The following TRPC5 variants were observed in gnomAD, a reference collection of about 807,000 sequenced individuals.
TRPC5 encodes transient receptor potential cation channel subfamily C member 5.
TRPC5 carries 9 observed loss-of-function variants against 56.5 expected under a neutral mutation model. The ratio of observed to expected loss-of-function variants is 0.16; its 90% CI spans 0.10 to 0.28. The LOEUF (loss-of-function observed/expected upper bound fraction) is 0.28, where lower values mean the gene tolerates loss of function less well. Ranked by LOEUF, TRPC5 falls within the 10% of genes least tolerant of loss-of-function variation. TRPC5 has a pLI of 1.00. For missense variants in TRPC5, 469 were observed against 748.9 expected, an observed-to-expected ratio of 0.63 and a Z score of 4.36; for synonymous variants, 282 against 278.5, an observed-to-expected ratio of 1.01 and a Z score of -0.13.
intron 7 of TRPC5, among the ~76,000 whole-genome samples, chrX:111,825,203 CTT>C (rs1337279117): frequency 4.3e-5 from 3 of 69,964 alleles, no homozygotes. Context: ...TTCTTTCTTT[CTT>C]TCTTTCTTTC....
At chrX:111,843,882 G>GTGTGTGTA (rs1222238675) in intron 6 of TRPC5, among the ~76,000 whole-genome samples, 1 of 100,091 alleles carries the variant, frequency 1.0e-5, no homozygotes, top group African/African-American at 4.0e-5. Context: ...GAGTGTGTGT[G>GTGTGTGTA]TGTGTGTGTG....
chrX:112,042,764 A>G (rs1328162445), intron 1 of TRPC5, among the ~76,000 whole-genome samples: 1 of 109,858 alleles, frequency 9.1e-6, no homozygotes, highest in African/African-American at 3.3e-5. Context: ...AACTGATCAT[A>G]TTTTTCAAAC....
intron 2 of TRPC5, among the ~76,000 whole-genome samples, chrX:111,937,216 T>G (rs1446584725): frequency 1.9e-5 from 2 of 106,391 alleles, no homozygotes; most frequent in African/African-American, 7.2e-5. Context: ...GTAAATTTGT[T>G]GGAGTTCATT....
rs145961855 is a variant in TRPC5, at chrX:111,872,429, A to G, written c.901-18323T>C. 2.5e-3 allele frequency among the ~76,000 whole-genome samples: 285 copies of G among 112,123 alleles called. 1 individual carries two copies. The highest frequency in any genetic ancestry group is 8.5e-3 in the African/African-American group (261 of 30,847). ...TTGCAGTCAGTATGGTCCTCATTGT[A>G]TAGTCAGATCCTACAAATAAGTCTA... On this transcript the variant is annotated intron_variant, in intron 3 of 10. Coordinates refer to ENST00000262839, the MANE Select transcript of TRPC5 (RefSeq NM_012471.3).
intron 10 of TRPC5, among the ~76,000 whole-genome samples, chrX:111,778,702 A>G (rs1945897719): frequency 8.9e-6 from 1 of 111,988 alleles, no homozygotes; most frequent in Admixed American, 9.5e-5. Flanking sequence ...CATCCTTGCC[A>G]CATCATTTAA....
chrX:111,781,052 C>T (rs369958579), intron 9 of TRPC5, 113 bp downstream of exon 9: 2 of 751,185 alleles, frequency 2.7e-6, no homozygotes, highest in East Asian at 3.2e-5. Context: ...CTTTCCAAGC[C>T]TCCTATCCCA....
intron 3 of TRPC5, among the ~76,000 whole-genome samples, chrX:111,857,117 T>C (rs928294170): frequency 1.8e-5 from 2 of 111,913 alleles, no homozygotes; most frequent in East Asian, 5.6e-4. Flanking sequence ...CTTAGCTACA[T>C]ATATTATTAT....
intron 1 of TRPC5, among the ~76,000 whole-genome samples, chrX:111,978,777 A>G (rs1927998992): frequency 9.0e-6 from 1 of 111,337 alleles, no homozygotes; most frequent in African/African-American, 3.3e-5. Flanking sequence ...TAACTATGTA[A>G]AGGTTACCAT....
chrX:111,816,330 G>T (rs1201359800), intron 7 of TRPC5, among the ~76,000 whole-genome samples: 1 of 111,948 alleles, frequency 8.9e-6, no homozygotes. Flanking sequence ...CGAGCATTTA[G>T]TATATAGAAC....
At chrX:111,869,600 A>T (rs1329915205) in intron 3 of TRPC5, among the ~76,000 whole-genome samples, 1 of 112,511 alleles carries the variant, frequency 8.9e-6, no homozygotes, top group African/African-American at 3.2e-5. Flanking sequence ...ATATTTTTTT[A>T]AAGTATAATT....
intron 1 of TRPC5, among the ~76,000 whole-genome samples, chrX:112,028,353 G>A (rs1335144897): frequency 9.0e-6 from 1 of 110,713 alleles, no homozygotes; most frequent in Non-Finnish European, 1.9e-5. Flanking sequence ...GTATACATGT[G>A]CCATGTTGGT....
chrX:112,069,037 A>C (rs370786710), intron 1 of TRPC5, among the ~76,000 whole-genome samples: 1 of 111,418 alleles, frequency 9.0e-6, no homozygotes, highest in East Asian at 2.8e-4. Context: ...TACATGCTTC[A>C]AGTTCTTTAT....
In TRPC5 at chrX:111,775,633, T is replaced by A. The variant is rs1224748928; in HGVS notation, c.*680A>T. The A allele has an allele frequency of 8.9e-6, 1 of 111,918 alleles. No homozygotes were observed. The highest frequency in any genetic ancestry group is 1.9e-5 in the Non-Finnish European group (1 of 53,173). 9.2% of individuals were successfully genotyped at this position (111,918 alleles called of 1,213,427 possible). A position where few individuals can be genotyped will look rare whatever the true frequency, so the allele number is the denominator to read the frequency against. ...ATTAGATATGACATATACTATGGGG[T>A]AAATATTTCATTGGCACACATTAGG... On this transcript the variant is annotated 3_prime_UTR_variant, in exon 11 of 11. Transcript: ENST00000262839.
chrX:111,915,269 G>A lies in TRPC5; in HGVS notation c.379-2457C>T, dbSNP rs1925942019. Among the ~76,000 whole-genome samples the A allele has an allele frequency of 2.7e-5, 3 of 111,801 alleles. No homozygotes were observed. In the Admixed American group the frequency reaches 2.8e-4, roughly 11 times the overall value. ...TATGAAATGCTTTCTGAAACTACTC[G>A]ATTATATTGTCTAACAAGGAACTTT... is the stretch of plus-strand genomic sequence containing the variant. On this transcript the variant is annotated intron_variant, in intron 2 of 10. Transcript: ENST00000262839.
At chrX:112,047,637 A>C (rs1380403574) in intron 1 of TRPC5, among the ~76,000 whole-genome samples, 4 of 112,336 alleles carry the variant, frequency 3.6e-5, no homozygotes, top group African/African-American at 1.3e-4. Flanking sequence ...GCTAATTAAA[A>C]AATAATGAGA....
chrX:111,964,717 C>A (rs960661035), intron 1 of TRPC5, among the ~76,000 whole-genome samples: 1 of 111,383 alleles, frequency 9.0e-6, no homozygotes, highest in Non-Finnish European at 1.9e-5. Flanking sequence ...TCATATCCAG[C>A]CAAACTAAGC....
chrX:111,812,411 T>C (rs1397422805), intron 7 of TRPC5, among the ~76,000 whole-genome samples: 1 of 111,900 alleles, frequency 8.9e-6, no homozygotes, highest in African/African-American at 3.3e-5. Context: ...ATTCCTCTGG[T>C]GCTCACGTGA....
intron 1 of TRPC5, among the ~76,000 whole-genome samples, chrX:111,998,215 G>A (rs1251269397): frequency 4.5e-5 from 5 of 111,841 alleles, no homozygotes; most frequent in Non-Finnish European, 7.5e-5. Context: ...GCTGGGAGCT[G>A]CAGACCAGAG....
chrX:111,890,857 C>T (rs1461675205), intron 3 of TRPC5, among the ~76,000 whole-genome samples: 3 of 111,363 alleles, frequency 2.7e-5, no homozygotes, highest in Non-Finnish European at 5.7e-5. Context: ...TCTCCTGATC[C>T]TTTCCCTCCT....
Sources: gnomAD v4.1 joint callset for allele counts (sites outside exome capture counted in the v4.1 genomes callset) on GRCh38, gnomAD v4.1.1 for gene constraint, MANE v1.5 for transcripts, NCBI Gene and HGNC (gene_info 2026-07-23, HGNC 2026-07-21) for gene names.